The following CAMK4 variants were observed in gnomAD, a reference collection of about 807,000 sequenced individuals.
The protein encoded by CAMK4 is calcium/calmodulin dependent protein kinase IV, also known as calcium/calmodulin-dependent protein kinase type IV.
A neutral mutation model predicts 44.9 loss-of-function variants in CAMK4; 22 were observed. The observed-to-expected ratio is 0.49, with a 90% CI of 0.35 to 0.70. CAMK4 has a LOEUF of 0.70. CAMK4 is among the 30% of genes least tolerant of loss of function. The probability of loss-of-function intolerance (pLI) is 0.01; values close to 1 mark genes in which losing one functional copy is unlikely to be tolerated. For missense variants in CAMK4, 498 were observed against 586.8 expected (o/e 0.85, Z 1.56); for synonymous variants, 218 against 215.4 (o/e 1.01, Z -0.11).
chr5:111,462,683 C>T (rs1754683905), intron 7 of CAMK4, among the ~76,000 whole-genome samples: 1 of 152,140 alleles, frequency 6.6e-6, no homozygotes, highest in Admixed American at 6.5e-5. Context: ...CAGTCAATGA[C>T]CAAAATCGTC....
chr5:111,310,924 G>A (rs2112670011), intron 1 of CAMK4, among the ~76,000 whole-genome samples: 1 of 152,150 alleles, frequency 6.6e-6, no homozygotes, highest in African/African-American at 2.4e-5. Context: ...GCAGTGGTGA[G>A]GATCATTTTC....
At chr5:111,361,925 C>T (rs73788838) in intron 2 of CAMK4, among the ~76,000 whole-genome samples, 32 of 152,032 alleles carry the variant, frequency 2.1e-4, no homozygotes, top group African/African-American at 6.0e-4. Context: ...GATACTTTCT[C>T]TGACTGGGGT....
chr5:111,294,036 C>T (rs545978131), intron 1 of CAMK4, among the ~76,000 whole-genome samples: 2 of 152,036 alleles, frequency 1.3e-5, no homozygotes, highest in East Asian at 1.9e-4. Context: ...TGTGAGCCAC[C>T]GCGCCCGGCC....
In CAMK4 at chr5:111,490,817, A is replaced by G. The variant is rs1264896788; in HGVS notation, c.*6351A>G. The G allele has an allele frequency of 2.0e-5, 3 of 152,228 alleles. No individual in the cohort carries two copies. The highest frequency in any genetic ancestry group is 1.9e-4 in the East Asian group (1 of 5,200). The allele number at this position is 152,228 out of a possible 1,614,324, so 9.4% of individuals were successfully genotyped here. ...CTATAAGCCAAAAGAACGTTGTAAC[A>G]TATCCATTTATTAAGGAGTTAGGCC... On this transcript the variant is annotated 3_prime_UTR_variant, in exon 11 of 11. Transcript: ENST00000282356.
chr5:111,420,847 G>A (rs1228670220), intron 5 of CAMK4, among the ~76,000 whole-genome samples: 3 of 152,164 alleles, frequency 2.0e-5, no homozygotes, highest in African/African-American at 7.2e-5. Flanking sequence ...CTGTTATCCT[G>A]TTCTTTTTTC....
In CAMK4 at chr5:111,374,789, T is replaced by A. The variant is rs79087086; in HGVS notation, c.241-61T>A. The stretch of plus-strand genomic sequence containing the variant: ...CCCAGGTAGTTATTGCTGTTTCTAT[T>A]TCTCTGCTACAATGAAGGGGGGAGT... On this transcript the variant is annotated intron_variant, in intron 2 of 10. Coordinates refer to ENST00000282356, the MANE Select transcript of CAMK4 (RefSeq NM_001744.6). 4.0e-3 allele frequency: 4,149 copies of A among 1,046,480 alleles called. 110 individuals carry two copies. In the African/African-American group the frequency reaches 0.056, roughly 14 times the overall value. 64.8% of individuals were successfully genotyped at this position (1,046,480 alleles called of 1,614,324 possible). A position where few individuals can be genotyped will look rare whatever the true frequency, so the allele number is the denominator to read the frequency against.
At chr5:111,263,230 A>G (rs1282097979) in intron 1 of CAMK4, among the ~76,000 whole-genome samples, 2 of 152,248 alleles carry the variant, frequency 1.3e-5, no homozygotes, top group Non-Finnish European at 2.9e-5. Context: ...TATGTGAAAT[A>G]TATTTCATAA....
Position 111,376,866 on chromosome 5 carries a change from C to T in CAMK4, c.310C>T (p.Leu104Phe). The T allele has an allele frequency of 6.3e-7, 1 of 1,577,148 alleles. No individual in the cohort carries two copies. The highest frequency in any genetic ancestry group is 1.4e-5 in the African/African-American group (1 of 73,844). ...LRLSHPNIIK[L>F]KEIFETPTEI... ...TTTTTATATCTTTCCCTAGATAAAACTTAAAGAGATATTTGAAACCCCTAC... is the reference window on the plus strand; with the variant it reads ...TTTTTATATCTTTCCCTAGATAAAATTTAAAGAGATATTTGAAACCCCTAC... The change falls in exon 4 of 11, where the codon CTT becomes TTT. Residue 104 changes from leucine (L) to phenylalanine (F), a missense_variant. Physicochemically the swap from Leu to Phe is conservative, Grantham distance 22. Around this residue, in one of 3 missense-constraint regions of CAMK4, gnomAD observed 152 missense variants for 143.7 expected, o/e 1.06. Coordinates refer to ENST00000282356, the MANE Select transcript of CAMK4 (RefSeq NM_001744.6).
chr5:111,371,679 G>C (rs1751011033), intron 2 of CAMK4, among the ~76,000 whole-genome samples: 1 of 151,982 alleles, frequency 6.6e-6, no homozygotes, highest in South Asian at 2.1e-4. Context: ...ACATTTTTTG[G>C]TTTTTAAATT....
chr5:111,446,859 C>G, intron 6 of CAMK4, 83 bp downstream of exon 6: 1 of 812,218 alleles, frequency 1.2e-6, no homozygotes, highest in Non-Finnish European at 2.2e-6. Context: ...AATATTGCTC[C>G]ATCCAGTTTT....
intron 5 of CAMK4, among the ~76,000 whole-genome samples, chr5:111,414,008 A>C (rs1752723151): frequency 6.6e-6 from 1 of 152,190 alleles, no homozygotes; most frequent in Admixed American, 6.5e-5. Flanking sequence ...TTTAAAACTT[A>C]TGATAGCGAG....
intron 4 of CAMK4, among the ~76,000 whole-genome samples, chr5:111,387,935 A>T (rs1751663682): frequency 6.6e-6 from 1 of 152,198 alleles, no homozygotes; most frequent in Admixed American, 6.5e-5. Flanking sequence ...TCATAGTTCT[A>T]AGTTGTAAAC....
chr5:111,253,333 C>T (rs1260000644), intron 1 of CAMK4, among the ~76,000 whole-genome samples: 1 of 152,158 alleles, frequency 6.6e-6, no homozygotes, highest in African/African-American at 2.4e-5. Context: ...TCTAGGCAGA[C>T]CTCTCAAGCC....
Position 111,490,008 on chromosome 5 carries a change from G to C in CAMK4, c.*5542G>C, listed in dbSNP as rs1207542837. 6.6e-6 allele frequency: 1 copy of C among 152,118 alleles called. No individual in the cohort carries two copies. The highest frequency in any genetic ancestry group is 2.4e-5 in the African/African-American group (1 of 41,434). 9.4% of individuals were successfully genotyped at this position (152,118 alleles called of 1,614,324 possible). ...CAAAATCACACTATTCTAAACAGTT[G>C]TTTTCAGCTCATTTTGAAGATTGAC... is the stretch of plus-strand genomic sequence containing the variant. On this transcript the variant is annotated 3_prime_UTR_variant, in exon 11 of 11. Coordinates refer to ENST00000282356, the MANE Select transcript of CAMK4 (RefSeq NM_001744.6).
intron 4 of CAMK4, among the ~76,000 whole-genome samples, chr5:111,382,562 A>G (rs954162534): frequency 2.6e-5 from 4 of 152,188 alleles, no homozygotes; most frequent in Admixed American, 6.5e-5. Context: ...TTGAGATCCT[A>G]TTGGGTTGCT....
intron 5 of CAMK4, 39 bp downstream of exon 5, chr5:111,394,821 A>T: frequency 1.6e-6 from 2 of 1,237,918 alleles, no homozygotes; most frequent in African/African-American, 1.5e-5. Context: ...ACTCTTAGTC[A>T]TCTCTTCCTT....
intron 1 of CAMK4, among the ~76,000 whole-genome samples, chr5:111,240,633 G>GT (rs763221703): frequency 1.1e-4 from 16 of 152,142 alleles, no homozygotes; most frequent in Non-Finnish European, 2.1e-4. Context: ...AAGGAAAAAA[G>GT]TGGGGGGATA....
At position 111,487,569 on chromosome 5, in the gene CAMK4, T is replaced by C. The variant is rs368759990; in HGVS notation, c.*3103T>C. On this transcript the variant is annotated 3_prime_UTR_variant, in exon 11 of 11. Coordinates refer to ENST00000282356, the MANE Select transcript of CAMK4 (RefSeq NM_001744.6). ...ATTTTAAGAAAAATAGATGAAAGTA[T>C]AGTATTTTTAATCCAATTCATCCAA... 5.7e-4 allele frequency: 87 copies of C among 152,324 alleles called. 1 individual carries two copies. Among genetic ancestry groups the C allele is most frequent in the African/African-American group, 2.0e-3 (85 of 41,578 alleles). The allele number at this position is 152,324 out of a possible 1,614,324, so 9.4% of individuals were successfully genotyped here.
At chr5:111,396,628 A>ATTT (rs1210775733) in intron 5 of CAMK4, among the ~76,000 whole-genome samples, 2 of 41,298 alleles carry the variant, frequency 4.8e-5, no homozygotes, top group African/African-American at 1.0e-4. Context: ...ATTAACTCAT[A>ATTT]TTCTTTTTTT....
Sources: allele counts gnomAD v4.1 joint callset (sites outside exome capture counted in the v4.1 genomes callset), GRCh38; gene constraint gnomAD v4.1.1; regional missense constraint gnomAD v4.1.1; transcripts MANE v1.5; gene names NCBI Gene and HGNC (gene_info 2026-07-23, HGNC 2026-07-21).